ST3GAL1: variants seen among roughly 807,000 people sequenced by gnomAD.
The protein encoded by ST3GAL1 is ST3 beta-galactoside alpha-2,3-sialyltransferase 1, also known as CMP-N-acetylneuraminate-beta-galactosamide-alpha-2,3-sialyltransferase 1.
In ST3GAL1, 16 loss-of-function variants were observed where a neutral mutation model predicts 34.1. That is an observed-to-expected ratio of 0.47 (90% CI 0.32 to 0.71). The LOEUF is 0.71. Among genes scored for constraint, ST3GAL1 ranks in the 30% least tolerant of loss-of-function variants. The pLI is 0.04. For synonymous variants in ST3GAL1, 191 were observed against 184.7 expected (o/e 1.03, Z -0.28); for missense variants, 353 against 447.4 (o/e 0.79, Z 1.90).
intron 1 of ST3GAL1, among the ~76,000 whole-genome samples, chr8:133,552,702 CCT>C (rs1818896841): frequency 6.6e-6 from 1 of 152,132 alleles, no homozygotes; most frequent in Non-Finnish European, 1.5e-5. Flanking sequence ...TCACTTATAA[CCT>C]CTCTCTCTGA....
chr8:133,540,880 GAGACATATATAT>G (rs1230311851), intron 2 of ST3GAL1, among the ~76,000 whole-genome samples: 6 of 45,070 alleles, frequency 1.3e-4, no homozygotes, highest in South Asian at 1.0e-3. Context: ...CATATATATA[GAGACATATATAT>G]AGACATATAT....
chr8:133,477,401 A>G (rs1816219750), intron 3 of ST3GAL1, among the ~76,000 whole-genome samples: 1 of 152,184 alleles, frequency 6.6e-6, no homozygotes, highest in Non-Finnish European at 1.5e-5. Flanking sequence ...ACTGTCAGCT[A>G]GATATTAGTT....
At chr8:133,559,865 C>T (rs200473182) in intron 1 of ST3GAL1, among the ~76,000 whole-genome samples, 1 of 152,178 alleles carries the variant, frequency 6.6e-6, no homozygotes, top group East Asian at 1.9e-4. Context: ...CCAAACCCCC[C>T]GGCAGGCTCA....
intron 2 of ST3GAL1, among the ~76,000 whole-genome samples, chr8:133,538,960 C>T (rs1462295604): frequency 1.3e-5 from 2 of 151,990 alleles, no homozygotes; most frequent in Non-Finnish European, 2.9e-5. Context: ...TTTCATCATC[C>T]GTAAAAAAGG....
At chr8:133,537,664 C>A (rs1240571135) in intron 2 of ST3GAL1, among the ~76,000 whole-genome samples, 1 of 152,190 alleles carries the variant, frequency 6.6e-6, no homozygotes, top group Admixed American at 6.5e-5. Flanking sequence ...GAACCCTCTA[C>A]AGCTTGCACA....
intron 1 of ST3GAL1, chr8:133,567,416 C>T (rs1307407268): frequency 2.0e-5 from 3 of 152,198 alleles, no homozygotes; most frequent in Non-Finnish European, 4.4e-5. Flanking sequence ...AATAAAACCC[C>T]AGATTTTACA....
rs116311698 is a variant in ST3GAL1 at position 133,476,016 on chromosome 8, G to A, written c.9C>T (p.Thr3=). 2 of 1,588,386 alleles carry A rather than the reference G, an allele frequency of 1.3e-6. No homozygotes were observed. The highest frequency in any genetic ancestry group is 2.7e-5 in the African/African-American group (2 of 74,484). The change falls in exon 5 of 10, where the codon ACC becomes ACT. Residue 3 remains threonine (T), a synonymous_variant. Transcript: ENST00000522652. MV[T]LRKRTLKVLT... ...GCACTTTCAGGGTCCTCTTCCGCAG[G>A]GTCACCATCTTCGCAGTCCTGATGG...
At chr8:133,521,318 A>G (rs574003648) in intron 2 of ST3GAL1, among the ~76,000 whole-genome samples, 20 of 139,652 alleles carry the variant, frequency 1.4e-4, no homozygotes, top group Admixed American at 9.2e-4. Context: ...GGGTTTTTTG[A>G]GACGGAATCT....
chr8:133,510,649 TTAAAA>T (rs1408740310), intron 2 of ST3GAL1, among the ~76,000 whole-genome samples: 2 of 152,250 alleles, frequency 1.3e-5, no homozygotes, highest in East Asian at 3.8e-4. Flanking sequence ...AGCTAATTAA[TTAAAA>T]TAATTAGCTA....
chr8:133,560,743 G>T (rs7825486), intron 1 of ST3GAL1, among the ~76,000 whole-genome samples: 18,677 of 152,082 alleles, frequency 0.12, 1,402 homozygotes, highest in Middle Eastern at 0.2. Flanking sequence ...CGTTGCATGG[G>T]GCCTGAGGTC....
intron 3 of ST3GAL1, among the ~76,000 whole-genome samples, chr8:133,494,279 C>A (rs969684510): frequency 6.6e-6 from 1 of 152,188 alleles, no homozygotes; most frequent in African/African-American, 2.4e-5. Flanking sequence ...GCCCTGGAAT[C>A]TGTTCCAAGA....
intron 2 of ST3GAL1, chr8:133,515,685 T>C (rs1442058376): frequency 6.6e-6 from 1 of 152,136 alleles, no homozygotes; most frequent in Non-Finnish European, 1.5e-5. Flanking sequence ...TCATACTAAT[T>C]ATTATTTTAA....
At chr8:133,520,599 C>T (rs1817775589) in intron 2 of ST3GAL1, among the ~76,000 whole-genome samples, 1 of 152,116 alleles carries the variant, frequency 6.6e-6, no homozygotes, top group East Asian at 1.9e-4. Flanking sequence ...GGCAGCCCAC[C>T]CCACCATAGC....
intron 1 of ST3GAL1, among the ~76,000 whole-genome samples, chr8:133,567,926 T>C (rs1424983224): frequency 3.0e-4 from 2 of 6,652 alleles, no homozygotes; most frequent in Non-Finnish European, 2.2e-4. Context: ...CTTGCTCTCT[T>C]TTTTTTTTTT....
chr8:133,549,521 T>C lies in ST3GAL1; in HGVS notation c.-581-3595A>G, dbSNP rs943369725. On this transcript the variant is annotated intron_variant, in intron 1 of 9. Coordinates refer to ENST00000522652, the MANE Select transcript of ST3GAL1 (RefSeq NM_173344.3). ...CCTGTGGCCGACTGTGATCTTCAAT[T>C]AAAGCCTAAGACTCTTCATGAAGCA... Among the ~76,000 whole-genome samples the C allele has an allele frequency of 4.3e-4, 66 of 152,298 alleles. 1 individual carries two copies. Among genetic ancestry groups the C allele is most frequent in the African/African-American group, 1.5e-3 (62 of 41,558 alleles).
chr8:133,562,681 A>G (rs1479822201), intron 1 of ST3GAL1, among the ~76,000 whole-genome samples: 2 of 152,124 alleles, frequency 1.3e-5, no homozygotes, highest in African/African-American at 4.8e-5. Context: ...CCAGCACACT[A>G]AAGGCAGGGA....
At chr8:133,555,867 G>T (rs10101555) in intron 1 of ST3GAL1, among the ~76,000 whole-genome samples, 94,668 of 149,710 alleles carry the variant, frequency 0.63, 31,773 homozygotes, top group Middle Eastern at 0.78. Flanking sequence ...CATTTTTTTT[G>T]TTGTTGTTGT....
At chr8:133,495,507 T>C (rs1206645854) in intron 3 of ST3GAL1, among the ~76,000 whole-genome samples, 1 of 152,224 alleles carries the variant, frequency 6.6e-6, no homozygotes. Context: ...AATCCAGACA[T>C]GTGCAATGCT....
chr8:133,481,250 A>G (rs775203977), intron 3 of ST3GAL1, among the ~76,000 whole-genome samples: 1 of 152,186 alleles, frequency 6.6e-6, no homozygotes, highest in Non-Finnish European at 1.5e-5. Context: ...CAGAAGTGGC[A>G]CATTACTTTG....
Sources: allele counts gnomAD v4.1 joint callset (sites outside exome capture counted in the v4.1 genomes callset), GRCh38; gene constraint gnomAD v4.1.1; transcripts MANE v1.5; gene names NCBI Gene and HGNC (gene_info 2026-07-23, HGNC 2026-07-21).